Variants in PAX2 observed in about 807,000 individuals in gnomAD.
The protein encoded by PAX2 is paired box protein Pax-2.
A neutral mutation model predicts 41.7 loss-of-function variants in PAX2; 9 were observed. The ratio of observed to expected loss-of-function variants is 0.22; its 90% CI spans 0.13 to 0.38. The LOEUF is 0.38. PAX2 is among the 10% of genes least tolerant of loss of function. The pLI, the probability that PAX2 is intolerant of heterozygous loss-of-function variation, is 1.00. For synonymous variants in PAX2, 221 were observed against 212.7 expected, an observed-to-expected ratio of 1.04 and a Z score of -0.34; for missense variants, 418 against 531.6, an observed-to-expected ratio of 0.79 and a Z score of 2.10.
chr10:100,781,911 C>T (rs1476722468), intron 5 of PAX2, among the ~76,000 whole-genome samples: 1 of 152,178 alleles, frequency 6.6e-6, no homozygotes, highest in African/African-American at 2.4e-5. Flanking sequence ...CCCTCTCCCT[C>T]ACCTCCCTGA....
At chr10:100,813,999 G>A (rs1480856848) in intron 7 of PAX2, among the ~76,000 whole-genome samples, 3 of 152,186 alleles carry the variant, frequency 2.0e-5, no homozygotes, top group African/African-American at 7.2e-5. Context: ...CCCAAGACCT[G>A]GGAACAATAG....
rs1012754857 is a variant in PAX2 at position 100,779,362 on chromosome 10, G to A, written c.411-136G>A. The A allele has an allele frequency of 1.1e-4, 86 of 786,182 alleles. 1 individual carries two copies. In the East Asian group the frequency reaches 2.1e-3, roughly 19 times the overall value. The allele number at this position is 786,182 out of a possible 1,614,324, so 48.7% of individuals were successfully genotyped here. ...CCTGTGCCTTGCAGCAGTCAGTGAG[G>A]GCAGGGACACAGGGAGCAGATGGAT... On this transcript the variant is annotated intron_variant, in intron 3 of 9. Transcript: ENST00000355243.
At chr10:100,800,907 A>G (rs1281891208) in intron 5 of PAX2, among the ~76,000 whole-genome samples, 1 of 152,262 alleles carries the variant, frequency 6.6e-6, no homozygotes, top group Non-Finnish European at 1.5e-5. Context: ...CTAATTGCAC[A>G]AAGCCTGGAT....
intron 1 of PAX2, chr10:100,747,747 G>A: frequency 1.0e-6 from 1 of 985,008 alleles, no homozygotes; most frequent in East Asian, 1.1e-4. Context: ...CGCGCCGAGG[G>A]CATCAGGCCT....
chr10:100,753,771 T>C (rs1018896447), intron 3 of PAX2, among the ~76,000 whole-genome samples: 4 of 152,262 alleles, frequency 2.6e-5, no homozygotes, highest in South Asian at 4.1e-4. Flanking sequence ...TAAACTAAAT[T>C]GCTTTTTTCA....
Position 100,828,679 on chromosome 10 carries a change from C to A in PAX2, c.*1060C>A, listed in dbSNP as rs184179257. ...GCCGGTGGTAAGAACCGGTTCTGAG[C>A]TGGCGTCTGAGCTGCTGCGGGGTGG... On this transcript the variant is annotated 3_prime_UTR_variant, in exon 10 of 10. Coordinates refer to ENST00000355243, the MANE Select transcript of PAX2 (RefSeq NM_000278.5). The surrounding 1 kb of genome is among the most constrained non-coding windows in gnomAD (Gnocchi z 6.5). 3.0e-3 allele frequency: 700 copies of A among 233,560 alleles called. 15 individuals are homozygous for A. In the Admixed American group the frequency reaches 0.034, roughly 11 times the overall value. 14.5% of individuals were successfully genotyped at this position (233,560 alleles called of 1,614,324 possible). A position where few individuals can be genotyped will look rare whatever the true frequency, so the allele number is the denominator to read the frequency against.
At chr10:100,800,273 C>CTTT (rs59487758) in intron 5 of PAX2, among the ~76,000 whole-genome samples, 8 of 108,374 alleles carry the variant, frequency 7.4e-5, no homozygotes, top group Non-Finnish European at 1.0e-4. Context: ...TCTTTTCTTT[C>CTTT]TTTTTTTTTT....
At chr10:100,797,916 A>C (rs955633307) in intron 5 of PAX2, among the ~76,000 whole-genome samples, 15 of 152,070 alleles carry the variant, frequency 9.9e-5, no homozygotes, top group Non-Finnish European at 2.1e-4. Flanking sequence ...TGGGTACAGC[A>C]AGCCTGAGGT....
At chr10:100,740,470 C>G (rs1487679465) in intron 1 of PAX2, among the ~76,000 whole-genome samples, 1 of 152,162 alleles carries the variant, frequency 6.6e-6, no homozygotes, top group Non-Finnish European at 1.5e-5. Context: ...GGAGGAATCC[C>G]CAGTAACCTT....
At chr10:100,755,636 C>T (rs1845599897) in intron 3 of PAX2, among the ~76,000 whole-genome samples, 2 of 152,172 alleles carry the variant, frequency 1.3e-5, no homozygotes, top group African/African-American at 4.8e-5. Context: ...GGAGGGTGGT[C>T]TCCAGTGCAA....
In PAX2 at chr10:100,824,980, C is replaced by G; in HGVS notation, c.1021+231C>G. The G allele has an allele frequency of 1.9e-6, 3 of 1,613,564 alleles. No individual in the cohort carries two copies. The highest frequency in any genetic ancestry group is 2.2e-5 in the South Asian group (2 of 91,050). On this transcript the variant is annotated intron_variant, in intron 8 of 9. Coordinates refer to ENST00000355243, the MANE Select transcript of PAX2 (RefSeq NM_000278.5). This position sits in a 1 kb window ranked among gnomAD's most constrained non-coding sequence, Gnocchi z 6.6. The stretch of plus-strand genomic sequence containing the variant: ...GCAGAAGTGCCCCCTTGTGTGCAAC[C>G]CACTGTATGTCATGGCCCCTCCACA...
At chr10:100,825,030 C>T in intron 8 of PAX2, 3 of 1,469,520 alleles carry the variant, frequency 2.0e-6, no homozygotes, top group African/African-American at 1.4e-5. Context: ...AAGTCTGTGC[C>T]CGAGGAGCAC....
exon 1 of PAX2, chr10:100,735,475 C>G (rs1195260278): frequency 4.2e-6 from 1 of 237,364 alleles, no homozygotes; most frequent in African/African-American, 2.2e-5. Context: ...GCGGAGAACC[C>G]GGGCTCCTCG....
rs1848642636 is a variant in PAX2, at chr10:100,827,883, G to C, written c.*264G>C. On this transcript the variant is annotated 3_prime_UTR_variant, in exon 10 of 10. Coordinates refer to ENST00000355243, the MANE Select transcript of PAX2 (RefSeq NM_000278.5). The surrounding 1 kb of genome is among the most constrained non-coding windows in gnomAD (Gnocchi z 8.5). Reference sequence around the variant, plus strand: ...GCCTGCCGCCCCTCCCCGCCTGCCTGGACTGCGCGGCGCCGTGAGGGGGAT... The same window carrying C: ...GCCTGCCGCCCCTCCCCGCCTGCCTCGACTGCGCGGCGCCGTGAGGGGGAT... The C allele has an allele frequency of 1.9e-6, 1 of 523,066 alleles. No homozygotes were observed. Among genetic ancestry groups the C allele is most frequent in the Non-Finnish European group, 3.4e-6 (1 of 296,838 alleles). The allele number at this position is 523,066 out of a possible 1,614,324, so 32.4% of individuals were successfully genotyped here.
At chr10:100,762,899 G>A (rs1469669619) in intron 3 of PAX2, among the ~76,000 whole-genome samples, 2 of 152,212 alleles carry the variant, frequency 1.3e-5, no homozygotes. Context: ...GCAAGCTGTT[G>A]TCTGTGCTGG....
intron 3 of PAX2, among the ~76,000 whole-genome samples, chr10:100,776,494 C>T (rs2133888001): frequency 6.6e-6 from 1 of 152,362 alleles, no homozygotes; most frequent in Non-Finnish European, 1.5e-5. Flanking sequence ...GCAATTAATT[C>T]TCTGAATCCT....
chr10:100,749,557 C>A, intron 1 of PAX2, 189 bp from the exon 2 acceptor site: 1 of 1,398,744 alleles, frequency 7.1e-7, no homozygotes, highest in South Asian at 1.7e-5. Flanking sequence ...CAGTCTTCAG[C>A]CCAGCGTCTG....
At chr10:100,800,152 T>A (rs1014757317) in intron 5 of PAX2, among the ~76,000 whole-genome samples, 4 of 152,230 alleles carry the variant, frequency 2.6e-5, no homozygotes. Context: ...TCCTGGGATT[T>A]GATGGGCAAC....
At chr10:100,779,900 T>C (rs925442936) in intron 4 of PAX2, among the ~76,000 whole-genome samples, 3 of 152,068 alleles carry the variant, frequency 2.0e-5, no homozygotes, top group Non-Finnish European at 4.4e-5. Context: ...CTCCTCCTGC[T>C]TCCCTCTCCC....
Sources: allele counts gnomAD v4.1 joint callset (sites outside exome capture counted in the v4.1 genomes callset), GRCh38; gene constraint gnomAD v4.1.1; non-coding constraint Gnocchi (gnomAD v3.1); transcripts MANE v1.5; gene names NCBI Gene and HGNC (gene_info 2026-07-23, HGNC 2026-07-21).